MAP4: variants seen among roughly 807,000 people sequenced by gnomAD.
The protein encoded by MAP4 is microtubule associated protein 4, also known as microtubule-associated protein 4.
MAP4 carries 76 observed loss-of-function variants against 170.2 expected under a neutral mutation model. The ratio of observed to expected loss-of-function variants is 0.45; its 90% CI spans 0.37 to 0.54. MAP4 has a LOEUF of 0.54. MAP4 is among the 20% of genes least tolerant of loss of function. The pLI is 0.00. For missense variants in MAP4, 2,506 were observed against 2,748.0 expected (o/e 0.91, Z 1.97); for synonymous variants, 909 against 994.5 (o/e 0.91, Z 1.62).
upstream of MAP4, among the ~76,000 whole-genome samples, chr3:48,017,284 T>C (rs1488853022): frequency 1.3e-5 from 2 of 152,176 alleles, no homozygotes; most frequent in Non-Finnish European, 2.9e-5. Context: ...TCTGCTTTTA[T>C]CTAACACAAT....
At chr3:47,897,016 G>A (rs1001763540) in intron 10 of MAP4, among the ~76,000 whole-genome samples, 2 of 152,180 alleles carry the variant, frequency 1.3e-5, no homozygotes, top group African/African-American at 4.8e-5. Context: ...ATGATCACAT[G>A]GTGAAAACTT....
intron 3 of MAP4, among the ~76,000 whole-genome samples, chr3:47,941,812 C>T (rs540384092): frequency 5.4e-5 from 8 of 147,690 alleles, no homozygotes; most frequent in South Asian, 4.3e-4. Context: ...AAGGCGAAAA[C>T]GCTACCACTG....
chr3:48,050,018 G>C (rs1326714580), intron 1 of MAP4, among the ~76,000 whole-genome samples: 1 of 151,670 alleles, frequency 6.6e-6, no homozygotes, highest in Non-Finnish European at 1.5e-5. Context: ...CCAGCAATTT[G>C]GGAGGCCAAG....
chr3:47,884,454 C>A (rs1032210769), intron 10 of MAP4, among the ~76,000 whole-genome samples: 1 of 152,066 alleles, frequency 6.6e-6, no homozygotes, highest in Non-Finnish European at 1.5e-5. Flanking sequence ...TGATTTTGTA[C>A]TTTAGCATGC....
rs148906946 is a variant in MAP4, at chr3:47,976,218, G to T, written c.292+1647C>A. On this transcript the variant is annotated intron_variant, in intron 3 of 20. Transcript: ENST00000683076. ...CCTACTCTCATAATGCCACTGGGTAGTTCATAAAGAGCCAGGTTCTTTTTT... is the reference window on the plus strand; with the variant it reads ...CCTACTCTCATAATGCCACTGGGTATTTCATAAAGAGCCAGGTTCTTTTTT... Among the ~76,000 whole-genome samples, 520 of 152,346 alleles carry T rather than the reference G, an allele frequency of 3.4e-3. 3 individuals carry two copies. Among genetic ancestry groups the T allele is most frequent in the Middle Eastern group, 0.01 (3 of 294 alleles).
intron 3 of MAP4, among the ~76,000 whole-genome samples, chr3:47,950,728 T>C (rs1337043482): frequency 6.6e-6 from 1 of 152,234 alleles, no homozygotes; most frequent in Non-Finnish European, 1.5e-5. Flanking sequence ...ATGTAACCTT[T>C]AGTAACTACA....
chr3:48,019,664 T>C (rs2100109597), upstream of MAP4, among the ~76,000 whole-genome samples: 1 of 152,116 alleles, frequency 6.6e-6, no homozygotes, highest in Non-Finnish European at 1.5e-5. Context: ...GCAGGAAAAC[T>C]GCTTGAGCCC....
chr3:47,921,103 G>A (rs1322985162), intron 5 of MAP4, among the ~76,000 whole-genome samples: 4 of 152,056 alleles, frequency 2.6e-5, no homozygotes, highest in East Asian at 1.9e-4. Context: ...GGCCGTGATC[G>A]CATCACTGCA....
intron 3 of MAP4, among the ~76,000 whole-genome samples, chr3:47,958,395 G>A (rs1221220540): frequency 6.6e-6 from 1 of 152,154 alleles, no homozygotes; most frequent in Admixed American, 6.5e-5. Flanking sequence ...ATCAACTGTG[G>A]CCTCATTACT....
chr3:47,985,586 T>A (rs961930021), intron 2 of MAP4, among the ~76,000 whole-genome samples: 5 of 152,210 alleles, frequency 3.3e-5, no homozygotes, highest in Non-Finnish European at 5.9e-5. Context: ...GGACACATCA[T>A]ATTTACATAG....
intron 1 of MAP4, among the ~76,000 whole-genome samples, chr3:48,024,568 G>C (rs538455098): frequency 1.8e-4 from 27 of 152,290 alleles, no homozygotes; most frequent in African/African-American, 6.0e-4. Flanking sequence ...AAAGAATCCA[G>C]CAGGAGACTC....
At chr3:47,975,566 T>C in intron 3 of MAP4, 1 of 781,432 alleles carries the variant, frequency 1.3e-6, no homozygotes, top group Non-Finnish European at 2.2e-6. Context: ...TATCACAAGA[T>C]GCTCATAAAC....
intron 5 of MAP4, among the ~76,000 whole-genome samples, chr3:47,920,168 A>G (rs2100041989): frequency 6.6e-6 from 1 of 152,120 alleles, no homozygotes; most frequent in Non-Finnish European, 1.5e-5. Context: ...ACAGTGTTTC[A>G]CCATGTTGGC....
chr3:48,000,783 T>C (rs566643291), intron 1 of MAP4, among the ~76,000 whole-genome samples: 1 of 152,324 alleles, frequency 6.6e-6, no homozygotes, highest in East Asian at 1.9e-4. Flanking sequence ...AAATATACTA[T>C]GATTCAAGCC....
chr3:47,931,913 C>T (rs2100050061), intron 3 of MAP4: 1 of 152,078 alleles, frequency 6.6e-6, no homozygotes, highest in African/African-American at 2.4e-5. Flanking sequence ...TTTGGACCAG[C>T]CTCTTTTTAT....
intron 17 of MAP4, among the ~76,000 whole-genome samples, chr3:47,858,803 T>G (rs1394280702): frequency 6.6e-6 from 1 of 152,018 alleles, no homozygotes; most frequent in Non-Finnish European, 1.5e-5. Context: ...AAACTCTATC[T>G]CTACTAAAAA....
intron 1 of MAP4, among the ~76,000 whole-genome samples, chr3:48,024,468 T>G (rs2100112078): frequency 6.6e-6 from 1 of 152,174 alleles, no homozygotes. Flanking sequence ...TTCTAGACAG[T>G]GCAATGTGAG....
At chr3:47,992,867 G>A (rs1445069328) in intron 2 of MAP4, among the ~76,000 whole-genome samples, 2 of 146,448 alleles carry the variant, frequency 1.4e-5, no homozygotes, top group Non-Finnish European at 1.5e-5. Context: ...CTGTGCCACC[G>A]CACTCCAGCC....
intron 1 of MAP4, among the ~76,000 whole-genome samples, chr3:48,056,963 C>T (rs779323492): frequency 1.6e-5 from 2 of 125,154 alleles, no homozygotes; most frequent in African/African-American, 6.3e-5. Flanking sequence ...CCCGGCCAGC[C>T]GCCCCGTCCG....
Sources: gnomAD v4.1 joint callset for allele counts (sites outside exome capture counted in the v4.1 genomes callset) on GRCh38, gnomAD v4.1.1 for gene constraint, MANE v1.5 for transcripts, NCBI Gene and HGNC (gene_info 2026-07-23, HGNC 2026-07-21) for gene names.